Variants in DIAPH2 observed in about 807,000 individuals in gnomAD.
DIAPH2 encodes the protein protein diaphanous homolog 2.
DIAPH2 carries 35 observed loss-of-function variants against 92.7 expected under a neutral mutation model. That is an observed-to-expected ratio of 0.38 (90% CI 0.29 to 0.50). DIAPH2 has a LOEUF of 0.50. Ranked by LOEUF, DIAPH2 falls within the 20% of genes least tolerant of loss-of-function variation. The pLI, the probability that DIAPH2 is intolerant of heterozygous loss-of-function variation, is 0.94. For missense variants in DIAPH2, 701 were observed against 819.5 expected (o/e 0.86, Z 1.77); for synonymous variants, 301 against 280.4 (o/e 1.07, Z -0.73).
chrX:96,851,822 G>A (rs1183471680), intron 4 of DIAPH2, among the ~76,000 whole-genome samples: 2 of 112,344 alleles, frequency 1.8e-5, no homozygotes, highest in Non-Finnish European at 3.8e-5. Flanking sequence ...AAAGTTTAAA[G>A]TGAAAATTAA....
intron 17 of DIAPH2, among the ~76,000 whole-genome samples, chrX:97,040,195 C>T (rs2066439235): frequency 9.5e-6 from 1 of 105,712 alleles, no homozygotes; most frequent in Admixed American, 1.0e-4. Flanking sequence ...TTTTTTCTCC[C>T]AGATGATGGT....
At chrX:97,160,777 T>C (rs2067363828) in intron 22 of DIAPH2, among the ~76,000 whole-genome samples, 1 of 111,791 alleles carries the variant, frequency 8.9e-6, no homozygotes, top group South Asian at 3.7e-4. Flanking sequence ...ATGTTAATAA[T>C]TTATAATTTT....
intron 17 of DIAPH2, among the ~76,000 whole-genome samples, chrX:97,046,628 C>A (rs986392023): frequency 1.8e-5 from 2 of 111,797 alleles, no homozygotes. Flanking sequence ...ATTACTCTTC[C>A]CAATTATGCT....
At chrX:97,001,426 C>T (rs1280494176) in intron 17 of DIAPH2, among the ~76,000 whole-genome samples, 3 of 111,592 alleles carry the variant, frequency 2.7e-5, no homozygotes, top group African/African-American at 9.8e-5. Flanking sequence ...GGGTAGATCA[C>T]GAGGTCAGGA....
At chrX:96,815,608 C>T (rs1186137944) in intron 4 of DIAPH2, among the ~76,000 whole-genome samples, 2 of 111,965 alleles carry the variant, frequency 1.8e-5, no homozygotes, top group South Asian at 7.4e-4. Context: ...TCCTCTGTGT[C>T]GATCATGCTG....
At chrX:97,384,691 A>G (rs1190313802) in intron 25 of DIAPH2, among the ~76,000 whole-genome samples, 1 of 109,136 alleles carries the variant, frequency 9.2e-6, no homozygotes, top group Non-Finnish European at 1.9e-5. Flanking sequence ...ACATGGTGAA[A>G]CCCATCTCTA....
chrX:96,803,583 C>T (rs929131937), intron 4 of DIAPH2, among the ~76,000 whole-genome samples: 1 of 112,285 alleles, frequency 8.9e-6, no homozygotes, highest in African/African-American at 3.2e-5. Context: ...GAAAGAATAC[C>T]TAAGCCCTAG....
At chrX:97,367,445 G>T (rs2069391573) in intron 24 of DIAPH2, among the ~76,000 whole-genome samples, 1 of 111,535 alleles carries the variant, frequency 9.0e-6, no homozygotes, top group Admixed American at 9.5e-5. Flanking sequence ...TGGAAAAGAG[G>T]ATTGTAAAGC....
chrX:97,409,723 C>T (rs1210639109), intron 25 of DIAPH2, among the ~76,000 whole-genome samples: 1 of 112,333 alleles, frequency 8.9e-6, no homozygotes, highest in African/African-American at 3.2e-5. Context: ...GATTATATCC[C>T]GTGCCTGGCT....
At chrX:96,867,379 C>T (rs192379781) in intron 4 of DIAPH2, among the ~76,000 whole-genome samples, 5 of 110,748 alleles carry the variant, frequency 4.5e-5, no homozygotes, top group East Asian at 2.8e-4. Flanking sequence ...CCACCATGCC[C>T]AACTTATTTT....
chrX:97,553,573 A>G (rs1328104441), intron 26 of DIAPH2, among the ~76,000 whole-genome samples: 1 of 110,200 alleles, frequency 9.1e-6, no homozygotes, highest in Non-Finnish European at 1.9e-5. Context: ...GTGTAGCCCA[A>G]TGCTGAAAGA....
At chrX:96,730,418 C>CTGGT (rs1050780660) in intron 1 of DIAPH2, among the ~76,000 whole-genome samples, 1 of 111,208 alleles carries the variant, frequency 9.0e-6, no homozygotes, top group African/African-American at 3.3e-5. Context: ...ATTGGCCTTA[C>CTGGT]TGGTTTTTAA....
chrX:97,128,578 C>T (rs1250334861), intron 21 of DIAPH2, among the ~76,000 whole-genome samples: 1 of 111,623 alleles, frequency 9.0e-6, no homozygotes, highest in Non-Finnish European at 1.9e-5. Context: ...AAAATTTACT[C>T]ACTTTAGGCA....
chrX:96,763,174 T>C, intron 4 of DIAPH2: 1 of 846,363 alleles, frequency 1.2e-6, no homozygotes, highest in Non-Finnish European at 1.5e-6. Flanking sequence ...GTTTTGTAAA[T>C]TGTGATTTTT....
chrX:97,311,927 A>G (rs933918221), intron 23 of DIAPH2, among the ~76,000 whole-genome samples: 4 of 110,370 alleles, frequency 3.6e-5, no homozygotes, highest in Admixed American at 9.7e-5. Context: ...TCCTGGGTTC[A>G]TACCATTCTC....
chrX:97,533,493 C>T (rs952310246), intron 26 of DIAPH2: 1 of 110,810 alleles, frequency 9.0e-6, no homozygotes, highest in African/African-American at 3.3e-5. Context: ...GTATTTACCT[C>T]ATGATTAGAT....
At chrX:96,837,459 G>T in intron 4 of DIAPH2, among the ~76,000 whole-genome samples, 1 of 103,725 alleles carries the variant, frequency 9.6e-6, no homozygotes, top group South Asian at 4.7e-4. Context: ...GTGTGTGTGT[G>T]TGTGTGTAGT....
intron 26 of DIAPH2, chrX:97,529,093 A>G (rs1240546255): frequency 9.0e-6 from 1 of 110,974 alleles, no homozygotes; most frequent in Non-Finnish European, 1.9e-5. Context: ...AAAAGATTTT[A>G]GTTCTGTTGC....
At chrX:96,917,156 A>G (rs1279857736) in intron 8 of DIAPH2, among the ~76,000 whole-genome samples, 1 of 111,453 alleles carries the variant, frequency 9.0e-6, no homozygotes, top group Non-Finnish European at 1.9e-5. Context: ...TCAGAAGCAA[A>G]CTTTCAGATT....
Sources: allele counts gnomAD v4.1 joint callset (sites outside exome capture counted in the v4.1 genomes callset), GRCh38; gene constraint gnomAD v4.1.1; transcripts MANE v1.5; gene names NCBI Gene and HGNC (gene_info 2026-07-23, HGNC 2026-07-21).